TENM4: variants seen among roughly 807,000 people sequenced by gnomAD.
TENM4 encodes teneurin-4.
In TENM4, 82 loss-of-function variants were observed where a neutral mutation model predicts 243.3. That is an observed-to-expected ratio of 0.34 (90% confidence interval 0.28 to 0.40). The LOEUF (loss-of-function observed/expected upper bound fraction) is 0.40, where lower values mean the gene tolerates loss of function less well. Ranked by LOEUF, TENM4 falls within the 10% of genes least tolerant of loss-of-function variation. The pLI is 1.00. For missense variants in TENM4, 3,138 were observed against 3,673.3 expected (o/e 0.85, Z 3.77); for synonymous variants, 1,412 against 1,456.3 (o/e 0.97, Z 0.69).
intron 2 of TENM4, among the ~76,000 whole-genome samples, chr11:79,247,113 C>T (rs1855531935): frequency 6.6e-6 from 1 of 151,412 alleles, no homozygotes; most frequent in Non-Finnish European, 1.5e-5. Flanking sequence ...AGATGGAATT[C>T]AGTGTATAAG....
chr11:79,319,222 A>G (rs1856849010), intron 1 of TENM4, among the ~76,000 whole-genome samples: 1 of 152,188 alleles, frequency 6.6e-6, no homozygotes, highest in Non-Finnish European at 1.5e-5. Flanking sequence ...TTTTCCTTAA[A>G]CCAGGACATT....
chr11:78,828,364 C>A (rs966804346), intron 12 of TENM4, among the ~76,000 whole-genome samples: 1 of 152,102 alleles, frequency 6.6e-6, no homozygotes, highest in African/African-American at 2.4e-5. Flanking sequence ...TTTGCAGGAC[C>A]CCAATTCTTT....
chr11:78,892,281 C>G (rs1460298443), intron 7 of TENM4, among the ~76,000 whole-genome samples: 1 of 152,194 alleles, frequency 6.6e-6, no homozygotes, highest in Non-Finnish European at 1.5e-5. Context: ...TTCAGGACAG[C>G]TATCACCTCA....
chr11:78,858,913 G>A (rs1858745559), intron 10 of TENM4, among the ~76,000 whole-genome samples: 1 of 152,126 alleles, frequency 6.6e-6, no homozygotes. Flanking sequence ...ACAGTGGCAG[G>A]TACCTTCCTG....
intron 16 of TENM4, among the ~76,000 whole-genome samples, chr11:78,786,490 C>T (rs1856938836): frequency 6.6e-6 from 1 of 152,244 alleles, no homozygotes; most frequent in East Asian, 1.9e-4. Flanking sequence ...AAGGTCTTCA[C>T]ATGTATTATT....
intron 6 of TENM4, among the ~76,000 whole-genome samples, chr11:78,942,182 T>C (rs1334581195): frequency 1.5e-5 from 2 of 134,942 alleles, no homozygotes; most frequent in African/African-American, 5.7e-5. Flanking sequence ...GGAGGCCAAG[T>C]TGGGTAGATG....
intron 3 of TENM4, among the ~76,000 whole-genome samples, chr11:79,200,113 G>A (rs993342714): frequency 2.6e-5 from 4 of 152,172 alleles, no homozygotes; most frequent in African/African-American, 7.2e-5. Flanking sequence ...CTGGGGTGCC[G>A]TTCATTTCTG....
chr11:79,197,246 G>C (rs1012908699), intron 3 of TENM4, among the ~76,000 whole-genome samples: 7 of 152,128 alleles, frequency 4.6e-5, no homozygotes, highest in African/African-American at 1.7e-4. Context: ...CCATTTGAGC[G>C]GGGAGAAAAC....
At chr11:78,794,083 C>T (rs779942205) in intron 15 of TENM4, among the ~76,000 whole-genome samples, 6 of 152,204 alleles carry the variant, frequency 3.9e-5, no homozygotes, top group Non-Finnish European at 7.3e-5. Flanking sequence ...TCCATCAGCC[C>T]ATCTATCTGT....
At chr11:79,415,460 A>G (rs916664438) in intron 1 of TENM4, among the ~76,000 whole-genome samples, 1 of 152,212 alleles carries the variant, frequency 6.6e-6, no homozygotes, top group Non-Finnish European at 1.5e-5. Context: ...ACTATAGGTC[A>G]GACTCGGTGC....
At chr11:79,396,703 C>T (rs921117607) in intron 1 of TENM4, among the ~76,000 whole-genome samples, 8 of 152,328 alleles carry the variant, frequency 5.3e-5, no homozygotes, top group South Asian at 4.1e-4. Flanking sequence ...TTTTGTATGA[C>T]GCATGCATGG....
chr11:79,069,798 G>C lies in TENM4; in HGVS notation c.147C>G (p.Asp49Glu). 1 of 1,551,226 alleles carries C rather than the reference G, an allele frequency of 6.4e-7. No homozygotes were observed. ...TGCCATAGGCTAGGCGGGCGTCCTG[G>C]TCGTAGGCCTTCAGGGTCTCGCTGG... ...YSSSETLKAY[D>E]QDARLAYGSR... Residue 49 changes from aspartate (D) to glutamate (E), a missense_variant, in exon 5 of 34, where the codon GAC becomes GAG. Asp to Glu is a conservative substitution (Grantham distance 45). Transcript: ENST00000278550.
At chr11:78,957,297 G>A (rs996020829) in intron 6 of TENM4, among the ~76,000 whole-genome samples, 2 of 151,856 alleles carry the variant, frequency 1.3e-5, no homozygotes, top group Admixed American at 1.3e-4. Flanking sequence ...AACTGCAGTT[G>A]GCATGAAACA....
intron 32 of TENM4, among the ~76,000 whole-genome samples, chr11:78,665,151 C>G (rs1384363854): frequency 6.6e-6 from 1 of 151,882 alleles, no homozygotes; most frequent in African/African-American, 2.4e-5. Flanking sequence ...TTCCTTCTTT[C>G]TTTTCTTTTC....
intron 1 of TENM4, among the ~76,000 whole-genome samples, chr11:79,437,214 G>A (rs1026810662): frequency 2.6e-5 from 4 of 152,172 alleles, no homozygotes; most frequent in Non-Finnish European, 5.9e-5. Flanking sequence ...TGCTATGTGT[G>A]ACTTCGCTGC....
At chr11:79,073,150 C>T (rs2137009273) in intron 4 of TENM4, among the ~76,000 whole-genome samples, 1 of 152,276 alleles carries the variant, frequency 6.6e-6, no homozygotes, top group South Asian at 2.1e-4. Context: ...ATGGGCTGTG[C>T]CAGGGGAATT....
intron 1 of TENM4, among the ~76,000 whole-genome samples, chr11:79,387,411 A>G (rs1858140047): frequency 6.6e-6 from 1 of 152,228 alleles, no homozygotes; most frequent in Non-Finnish European, 1.5e-5. Flanking sequence ...TAAAAAGTTT[A>G]TACACACAAA....
chr11:78,696,406 G>T (rs533545283), intron 28 of TENM4, among the ~76,000 whole-genome samples: 26 of 152,122 alleles, frequency 1.7e-4, no homozygotes, highest in African/African-American at 6.3e-4. Context: ...TTTGCCTCTC[G>T]GGAATGTGTT....
chr11:79,083,755 G>C (rs1860737118), intron 4 of TENM4, among the ~76,000 whole-genome samples: 1 of 152,156 alleles, frequency 6.6e-6, no homozygotes, highest in South Asian at 2.1e-4. Context: ...TCCAGGCTCT[G>C]GGAAGCAGTG....
Sources: allele counts gnomAD v4.1 joint callset (sites outside exome capture counted in the v4.1 genomes callset), GRCh38; gene constraint gnomAD v4.1.1; transcripts MANE v1.5; gene names NCBI Gene and HGNC (gene_info 2026-07-23, HGNC 2026-07-21).